ARHGAP23: variants seen among roughly 807,000 people sequenced by gnomAD.
ARHGAP23 encodes Rho GTPase activating protein 23.
Under a neutral mutation model 136.3 loss-of-function variants are expected in ARHGAP23, and 34 were observed. That is an observed-to-expected ratio of 0.25 (90% CI 0.19 to 0.33). ARHGAP23 has a LOEUF of 0.33. Among genes scored for constraint, ARHGAP23 ranks in the 10% least tolerant of loss-of-function variants. The probability of loss-of-function intolerance (pLI) is 1.00; values close to 1 mark genes in which losing one functional copy is unlikely to be tolerated. For synonymous variants in ARHGAP23, 832 were observed against 920.5 expected (o/e 0.90, Z 1.74); for missense variants, 1,808 against 2,139.0 (o/e 0.85, Z 3.05).
chr17:38,507,269 C>T (rs1285960811), intron 23 of ARHGAP23, among the ~76,000 whole-genome samples: 7 of 29,646 alleles, frequency 2.4e-4, no homozygotes, highest in South Asian at 1.4e-3. Context: ...AGGGAGACTC[C>T]GTCTCAAAAT....
At chr17:38,439,402 G>C (rs549816692) in intron 1 of ARHGAP23, among the ~76,000 whole-genome samples, 1 of 152,316 alleles carries the variant, frequency 6.6e-6, no homozygotes, top group South Asian at 2.1e-4. Flanking sequence ...CCCCGTGAGG[G>C]TAGGGACTTT....
At chr17:38,472,038 G>A (rs2039772748) in intron 11 of ARHGAP23, 32 bp downstream of exon 11, 2 of 1,524,818 alleles carry the variant, frequency 1.3e-6, no homozygotes, top group Non-Finnish European at 1.8e-6. Flanking sequence ...GGTGGAAGCT[G>A]GCTCCAGCAG....
intron 11 of ARHGAP23, among the ~76,000 whole-genome samples, chr17:38,474,834 G>A (rs1339365139): frequency 6.6e-6 from 1 of 152,202 alleles, no homozygotes; most frequent in Admixed American, 6.5e-5. Flanking sequence ...GAGCCATGAG[G>A]CAAGGAGGGA....
intron 1 of ARHGAP23, among the ~76,000 whole-genome samples, chr17:38,421,777 C>T (rs1004188256): frequency 6.6e-6 from 1 of 152,184 alleles, no homozygotes; most frequent in African/African-American, 2.4e-5. Context: ...TGGCTCAGGG[C>T]CAGACAGAGG....
chr17:38,437,155 C>T (rs879729451), intron 1 of ARHGAP23, among the ~76,000 whole-genome samples: 7 of 151,882 alleles, frequency 4.6e-5, no homozygotes, highest in Non-Finnish European at 8.8e-5. Flanking sequence ...TGGCTCACAT[C>T]TGTAATCCCA....
chr17:38,510,606 G>A lies in ARHGAP23; in HGVS notation c.4110G>A (p.Glu1370=), dbSNP rs2040739205. ...AALASRPSRM[E]ALRLRLRGTA... ...TGGCCTCCCGGCCCTCGCGCATGGA[G>A]GCGCTGCGTCTAAGGCTCCGCGGCA... The change falls in exon 24 of 24, where the codon GAG becomes GAA. Residue 1370 remains glutamate (E), a synonymous_variant. Transcript: ENST00000622683. The surrounding 1 kb of genome is among the most constrained non-coding windows in gnomAD (Gnocchi z 4.6). 3.9e-6 allele frequency: 5 copies of A among 1,296,106 alleles called. No homozygotes were observed. The highest frequency in any genetic ancestry group is 3.9e-6 in the Non-Finnish European group (4 of 1,026,884). The allele number at this position is 1,296,106 out of a possible 1,614,324, so 80.3% of individuals were successfully genotyped here.
At chr17:38,507,166 C>G (rs1472198702) in intron 23 of ARHGAP23, among the ~76,000 whole-genome samples, 1 of 151,662 alleles carries the variant, frequency 6.6e-6, no homozygotes, top group Non-Finnish European at 1.5e-5. Context: ...CCCAGCTACT[C>G]GGGAGGCTGA....
At chr17:38,457,902 G>C in intron 1 of ARHGAP23, 200 bp from the exon 2 acceptor site, 1 of 626,766 alleles carries the variant, frequency 1.6e-6, no homozygotes, top group Non-Finnish European at 2.7e-6. Flanking sequence ...AGGAAAGAAG[G>C]AAAAAGCTAT....
intron 23 of ARHGAP23, among the ~76,000 whole-genome samples, chr17:38,507,991 A>G (rs2040672440): frequency 6.6e-6 from 1 of 152,270 alleles, no homozygotes; most frequent in Non-Finnish European, 1.5e-5. Flanking sequence ...GACAGGAACC[A>G]GTCCCAGCGT....
intron 1 of ARHGAP23, among the ~76,000 whole-genome samples, chr17:38,430,518 G>A (rs927189310): frequency 1.3e-5 from 2 of 152,220 alleles, no homozygotes; most frequent in African/African-American, 2.4e-5. Flanking sequence ...CAGTGCAGGA[G>A]TGGGTAGTGG....
intron 1 of ARHGAP23, 152 bp from the exon 2 acceptor site, chr17:38,457,950 G>A: frequency 1.2e-6 from 1 of 818,102 alleles, no homozygotes; most frequent in Non-Finnish European, 1.9e-6. Flanking sequence ...AAGGGGTGAG[G>A]AGGAGGTCAT....
chr17:38,489,374 G>A (rs1387196008), intron 17 of ARHGAP23, among the ~76,000 whole-genome samples: 3 of 58,102 alleles, frequency 5.2e-5, no homozygotes, highest in African/African-American at 2.2e-4. Flanking sequence ...CCCCGCCCCC[G>A]ATGGTAGCCA....
intron 1 of ARHGAP23, among the ~76,000 whole-genome samples, chr17:38,434,705 C>T (rs1035415720): frequency 6.6e-6 from 1 of 152,208 alleles, no homozygotes; most frequent in Admixed American, 6.5e-5. Flanking sequence ...TCATTCTGGC[C>T]CGAGAGTGTT....
chr17:38,428,325 G>A (rs1289788313), upstream of ARHGAP23: 5 of 279,580 alleles, frequency 1.8e-5, no homozygotes, highest in Middle Eastern at 1.0e-3. Flanking sequence ...GCACCCAGAA[G>A]GGAGCGCGGG....
At chr17:38,469,076 G>A (rs2039680002) in intron 7 of ARHGAP23, 68 bp from the exon 8 acceptor site, 2 of 1,481,186 alleles carry the variant, frequency 1.4e-6, no homozygotes, top group Non-Finnish European at 1.8e-6. Flanking sequence ...GGGCTGGCAA[G>A]GCTAGGGTGG....
intron 1 of ARHGAP23, chr17:38,452,032 G>A (rs1774136562): frequency 6.6e-6 from 1 of 152,576 alleles, no homozygotes; most frequent in African/African-American, 2.4e-5. Flanking sequence ...GGAAACAGGA[G>A]AACAAAACCA....
intron 1 of ARHGAP23, among the ~76,000 whole-genome samples, chr17:38,431,431 C>A (rs1269272482): frequency 1.3e-5 from 2 of 152,158 alleles, no homozygotes; most frequent in African/African-American, 4.8e-5. Flanking sequence ...TGATCCTGCT[C>A]TCACCATCTC....
chr17:38,484,540 C>T (rs1251810622), intron 16 of ARHGAP23, among the ~76,000 whole-genome samples: 11 of 152,016 alleles, frequency 7.2e-5, no homozygotes, highest in African/African-American at 2.2e-4. Context: ...AGGAGAGGGC[C>T]GCCAGTGAGG....
chr17:38,425,580 A>T (rs2144463853), upstream of ARHGAP23, among the ~76,000 whole-genome samples: 2 of 152,140 alleles, frequency 1.3e-5, no homozygotes, highest in East Asian at 3.9e-4. Context: ...AAGGATGGTG[A>T]TTGGGCTGGG....
Sources: gnomAD v4.1 joint callset for allele counts (sites outside exome capture counted in the v4.1 genomes callset) on GRCh38, gnomAD v4.1.1 for gene constraint, Gnocchi (gnomAD v3.1) non-coding constraint, MANE v1.5 for transcripts, NCBI Gene and HGNC (gene_info 2026-07-23, HGNC 2026-07-21) for gene names.